NALF1: variants seen among roughly 807,000 people sequenced by gnomAD.
NALF1 encodes family with sequence similarity 155 member A.
A neutral mutation model predicts 48.4 loss-of-function variants in NALF1; 3 were observed. The ratio of observed to expected loss-of-function variants is 0.06; its 90% CI spans 0.03 to 0.16. The LOEUF is 0.16. NALF1 is among the 10% of genes least tolerant of loss of function. The pLI, the probability that NALF1 is intolerant of heterozygous loss-of-function variation, is 1.00. For synonymous variants in NALF1, 262 were observed against 245.7 expected, an observed-to-expected ratio of 1.07 and a Z score of -0.62; for missense variants, 526 against 571.5, an observed-to-expected ratio of 0.92 and a Z score of 0.81.
chr13:107,857,418 GACATAAC>G (rs1880465599), intron 1 of NALF1, among the ~76,000 whole-genome samples: 1 of 152,148 alleles, frequency 6.6e-6, no homozygotes, highest in Non-Finnish European at 1.5e-5. Context: ...CCTGACAGAC[GACATAAC>G]ACAAAACGTT....
intron 1 of NALF1, among the ~76,000 whole-genome samples, chr13:107,496,372 C>T (rs1043321659): frequency 9.9e-5 from 15 of 152,206 alleles, no homozygotes; most frequent in African/African-American, 3.6e-4. Flanking sequence ...ACAACTGATT[C>T]CTACAGGTCT....
intron 1 of NALF1, among the ~76,000 whole-genome samples, chr13:107,738,182 T>C (rs954922160): frequency 1.2e-4 from 19 of 152,148 alleles, no homozygotes; most frequent in African/African-American, 3.9e-4. Flanking sequence ...GGAATGCCCA[T>C]TAAAATTATT....
intron 1 of NALF1, among the ~76,000 whole-genome samples, chr13:107,372,655 T>C (rs1367690691): frequency 1.3e-5 from 2 of 152,196 alleles, no homozygotes; most frequent in African/African-American, 2.4e-5. Context: ...AGTAAATCAA[T>C]GAAGATCTTC....
intron 1 of NALF1, among the ~76,000 whole-genome samples, chr13:107,726,226 T>C (rs1177092915): frequency 1.3e-5 from 2 of 152,074 alleles, no homozygotes; most frequent in African/African-American, 2.4e-5. Context: ...TGCAACTCTC[T>C]TATGTTTTTT....
chr13:107,857,858 T>C (rs1050973724), intron 1 of NALF1, among the ~76,000 whole-genome samples: 1 of 152,228 alleles, frequency 6.6e-6, no homozygotes, highest in Non-Finnish European at 1.5e-5. Flanking sequence ...TTTATTGATG[T>C]TTCCCGTGGG....
At chr13:107,386,088 A>T (rs1883525986) in intron 1 of NALF1, among the ~76,000 whole-genome samples, 1 of 152,146 alleles carries the variant, frequency 6.6e-6, no homozygotes, top group Non-Finnish European at 1.5e-5. Context: ...ATGTCTTAAA[A>T]TTTTATTGAA....
chr13:107,291,494 A>G, intron 1 of NALF1, among the ~76,000 whole-genome samples: 1 of 151,396 alleles, frequency 6.6e-6, no homozygotes, highest in Non-Finnish European at 1.5e-5. Flanking sequence ...TGTATACAAA[A>G]AAAAAAAAAA....
intron 1 of NALF1, among the ~76,000 whole-genome samples, chr13:107,301,086 T>A (rs939176737): frequency 6.6e-6 from 1 of 152,190 alleles, no homozygotes; most frequent in African/African-American, 2.4e-5. Context: ...TTTATGTATG[T>A]TGTATTGTAA....
At chr13:107,805,869 C>T (rs1156386128) in intron 1 of NALF1, among the ~76,000 whole-genome samples, 1 of 152,110 alleles carries the variant, frequency 6.6e-6, no homozygotes, top group Non-Finnish European at 1.5e-5. Flanking sequence ...TCCCTAAAGC[C>T]TGTGGGCTGT....
At chr13:107,516,600 T>A (rs1348669900) in intron 1 of NALF1, among the ~76,000 whole-genome samples, 1 of 152,000 alleles carries the variant, frequency 6.6e-6, no homozygotes, top group African/African-American at 2.4e-5. Flanking sequence ...TTGTAGCAGT[T>A]AGCAATTGCA....
intron 1 of NALF1, among the ~76,000 whole-genome samples, chr13:107,604,432 T>C (rs1879011245): frequency 6.6e-6 from 1 of 152,212 alleles, no homozygotes; most frequent in African/African-American, 2.4e-5. Context: ...ATGAAAATAC[T>C]CAAAGCAGTG....
intron 1 of NALF1, among the ~76,000 whole-genome samples, chr13:107,435,174 CAA>C (rs903247067): frequency 6.6e-6 from 1 of 151,980 alleles, no homozygotes; most frequent in South Asian, 2.1e-4. Flanking sequence ...CCCAAAGTGT[CAA>C]AAAGAGTCCT....
At chr13:107,590,290 T>G (rs920928009) in intron 1 of NALF1, among the ~76,000 whole-genome samples, 3 of 151,980 alleles carry the variant, frequency 2.0e-5, no homozygotes, top group Non-Finnish European at 2.9e-5. Context: ...GAAACAGAAA[T>G]GAGTTCATTA....
intron 1 of NALF1, among the ~76,000 whole-genome samples, chr13:107,639,459 ACCT>A (rs1338943055): frequency 1.3e-5 from 2 of 152,024 alleles, no homozygotes; most frequent in Admixed American, 1.3e-4. Context: ...CTTGCACTTT[ACCT>A]CCAACTTACA....
At chr13:107,722,122 G>A (rs1167987721) in intron 1 of NALF1, among the ~76,000 whole-genome samples, 2 of 152,140 alleles carry the variant, frequency 1.3e-5, no homozygotes, top group African/African-American at 2.4e-5. Context: ...AGAGAAAGGG[G>A]AGCAGGTTAA....
At chr13:107,269,029 G>T (rs1881100364) in intron 1 of NALF1, among the ~76,000 whole-genome samples, 1 of 152,064 alleles carries the variant, frequency 6.6e-6, no homozygotes, top group Admixed American at 6.6e-5. Flanking sequence ...TGGGAGTGGT[G>T]GTGCACGCCT....
intron 1 of NALF1, among the ~76,000 whole-genome samples, chr13:107,539,392 T>C (rs1051509355): frequency 6.6e-6 from 1 of 150,952 alleles, no homozygotes; most frequent in Non-Finnish European, 1.5e-5. Flanking sequence ...ATGAATCCAT[T>C]GAAGAGGGCT....
At chr13:107,692,762 T>C (rs1454278901) in intron 1 of NALF1, among the ~76,000 whole-genome samples, 1 of 152,230 alleles carries the variant, frequency 6.6e-6, no homozygotes, top group Admixed American at 6.5e-5. Context: ...TATATATTTA[T>C]GGCTATGCCA....
rs138630324 is a variant in NALF1 at position 107,810,160 on chromosome 13, C to G, written c.915+55522G>C. ...ATTGGTTTCTTTTTCATTTCTCCAT[C>G]TCTGTAGAAATTATTTTCTCCAAGA... On this transcript the variant is annotated intron_variant, in intron 1 of 2. Transcript: ENST00000375915. Among the ~76,000 whole-genome samples the G allele has an allele frequency of 1.5e-3, 235 of 152,188 alleles. 2 individuals carry two copies. The East Asian group carries it at 0.029, about 19-fold the overall frequency.
Sources: gnomAD v4.1 joint callset for allele counts (sites outside exome capture counted in the v4.1 genomes callset) on GRCh38, gnomAD v4.1.1 for gene constraint, MANE v1.5 for transcripts, NCBI Gene and HGNC (gene_info 2026-07-23, HGNC 2026-07-21) for gene names.